The following SAMD13 variants were observed in gnomAD, a reference collection of about 807,000 sequenced individuals.
SAMD13 encodes the protein sterile alpha motif domain-containing protein 13.
Under a neutral mutation model 12.4 loss-of-function variants are expected in SAMD13, and 9 were observed. That is an observed-to-expected ratio of 0.72 (90% CI 0.44 to 1.26). The LOEUF is 1.26. Ranked by LOEUF, SAMD13 falls within the 50% of genes most tolerant of loss-of-function variation. The pLI is 0.00. For missense variants in SAMD13, 84 were observed against 119.6 expected (o/e 0.70, Z 1.39); for synonymous variants, 46 against 45.4 (o/e 1.01, Z -0.05).
At chr1:84,305,329 C>A (rs969870022) in intron 2 of SAMD13, among the ~76,000 whole-genome samples, 4 of 152,044 alleles carry the variant, frequency 2.6e-5, no homozygotes, top group Non-Finnish European at 5.9e-5. Flanking sequence ...TTGTTCAAAT[C>A]TTTTGCCCAT....
At chr1:84,345,274 G>A (rs1428707734) in intron 3 of SAMD13, 14 of 453,372 alleles carry the variant, frequency 3.1e-5, no homozygotes, top group Non-Finnish European at 6.2e-5. Context: ...CACATCATTG[G>A]TAAGAAGTTG....
intron 2 of SAMD13, among the ~76,000 whole-genome samples, chr1:84,317,449 T>G (rs1223968670): frequency 6.6e-6 from 1 of 152,098 alleles, no homozygotes; most frequent in Non-Finnish European, 1.5e-5. Context: ...ACACTTTTTT[T>G]ATCTTAGACG....
intron 2 of SAMD13, among the ~76,000 whole-genome samples, chr1:84,309,435 C>T (rs1199580822): frequency 6.6e-6 from 1 of 152,118 alleles, no homozygotes; most frequent in Admixed American, 6.6e-5. Flanking sequence ...ATAAATGCTA[C>T]CTTGAGAATT....
intron 2 of SAMD13, among the ~76,000 whole-genome samples, chr1:84,325,390 G>A (rs1052334050): frequency 6.6e-6 from 1 of 152,182 alleles, no homozygotes; most frequent in African/African-American, 2.4e-5. Flanking sequence ...GAACTCAGAA[G>A]TATGAATATC....
At chr1:84,313,346 G>T (rs750228057) in intron 2 of SAMD13, among the ~76,000 whole-genome samples, 17 of 151,990 alleles carry the variant, frequency 1.1e-4, no homozygotes, top group Non-Finnish European at 1.0e-4. Context: ...ACTTTGGTAC[G>T]TGACACACTC....
At chr1:84,304,772 C>G (rs904094234) in intron 2 of SAMD13, among the ~76,000 whole-genome samples, 2 of 151,886 alleles carry the variant, frequency 1.3e-5, no homozygotes, top group Non-Finnish European at 2.9e-5. Flanking sequence ...CCCCCGCCCC[C>G]ACACACACAC....
intron 3 of SAMD13, among the ~76,000 whole-genome samples, chr1:84,335,314 T>A (rs75113223): frequency 0.021 from 3,139 of 152,242 alleles, 94 homozygotes; most frequent in African/African-American, 0.07. Context: ...GTCTTTTTTT[T>A]AAAATCGTTG....
intron 2 of SAMD13, among the ~76,000 whole-genome samples, chr1:84,307,136 G>A (rs139134445): frequency 2.6e-5 from 4 of 151,882 alleles, no homozygotes; most frequent in Admixed American, 6.6e-5. Flanking sequence ...AATACTTTTG[G>A]TCTCTCTCCC....
At chr1:84,347,772 G>A (rs1402854755) in intron 3 of SAMD13, among the ~76,000 whole-genome samples, 1 of 152,044 alleles carries the variant, frequency 6.6e-6, no homozygotes, top group Non-Finnish European at 1.5e-5. Context: ...GGTTTCCAGG[G>A]GCCAGAGGCT....
chr1:84,307,721 T>G (rs1419371189), intron 2 of SAMD13, among the ~76,000 whole-genome samples: 2 of 152,180 alleles, frequency 1.3e-5, no homozygotes, highest in Non-Finnish European at 2.9e-5. Flanking sequence ...AGTCTTGCCT[T>G]TAAGTTTTAT....
intron 2 of SAMD13, among the ~76,000 whole-genome samples, chr1:84,305,118 G>A (rs1481017653): frequency 6.6e-6 from 1 of 152,128 alleles, no homozygotes; most frequent in African/African-American, 2.4e-5. Flanking sequence ...TAAACTGGTT[G>A]TCCCATTTTC....
chr1:84,336,597 G>A (rs1269476914), intron 3 of SAMD13, among the ~76,000 whole-genome samples: 9 of 152,106 alleles, frequency 5.9e-5, no homozygotes, highest in Non-Finnish European at 1.0e-4. Flanking sequence ...ACCTCCCACC[G>A]GGTCCCTCCA....
chr1:84,313,203 T>C (rs1488154297), intron 2 of SAMD13, among the ~76,000 whole-genome samples: 2 of 152,182 alleles, frequency 1.3e-5, no homozygotes, highest in East Asian at 1.9e-4. Flanking sequence ...AATGTACATA[T>C]ATATGGGAGC....
At chr1:84,346,186 T>C (rs1679531178) in intron 3 of SAMD13, among the ~76,000 whole-genome samples, 1 of 152,168 alleles carries the variant, frequency 6.6e-6, no homozygotes. Context: ...GCCCCACTAA[T>C]AAGCAATAAA....
chr1:84,303,717 G>T (rs550291480), intron 2 of SAMD13: 1 of 156,684 alleles, frequency 6.4e-6, no homozygotes, highest in East Asian at 1.8e-4. Context: ...GCTTCAGTAA[G>T]AATATAGTTT....
At chr1:84,333,111 T>C (rs1399326517) in intron 3 of SAMD13, among the ~76,000 whole-genome samples, 4 of 152,150 alleles carry the variant, frequency 2.6e-5, no homozygotes, top group African/African-American at 4.8e-5. Context: ...TTTTGGTTAC[T>C]GTAGCCTTGT....
chr1:84,319,624 G>GAAAA (rs57599932), intron 2 of SAMD13, among the ~76,000 whole-genome samples: 6 of 77,752 alleles, frequency 7.7e-5, no homozygotes, highest in South Asian at 4.6e-4. Context: ...GACAGGAAAA[G>GAAAA]AAAAAAAAAA....
chr1:84,344,932 A>G (rs914583416), intron 3 of SAMD13: 1 of 456,736 alleles, frequency 2.2e-6, no homozygotes, highest in Non-Finnish European at 4.4e-6. Flanking sequence ...GAGACAAAAA[A>G]CATTTGGAGG....
At chr1:84,314,464 C>G (rs975565399) in intron 2 of SAMD13, among the ~76,000 whole-genome samples, 2 of 152,140 alleles carry the variant, frequency 1.3e-5, no homozygotes, top group Admixed American at 1.3e-4. Context: ...AAATAATTAT[C>G]AAGCCTCAGA....
Sources: allele counts gnomAD v4.1 joint callset (sites outside exome capture counted in the v4.1 genomes callset), GRCh38; gene constraint gnomAD v4.1.1; transcripts MANE v1.5; gene names NCBI Gene and HGNC (gene_info 2026-07-23, HGNC 2026-07-21).